Variants in TRMT11 observed in about 807,000 individuals in gnomAD.
TRMT11 encodes the protein tRNA (guanine(10)-N(2))-methyltransferase TRMT11.
Under a neutral mutation model 62.8 loss-of-function variants are expected in TRMT11, and 53 were observed. The ratio of observed to expected loss-of-function variants is 0.84; its 90% CI spans 0.68 to 1.06. TRMT11 has a LOEUF of 1.06. TRMT11 is among the 50% of genes least tolerant of loss of function. The pLI, the probability that TRMT11 is intolerant of heterozygous loss-of-function variation, is 0.00. For synonymous variants in TRMT11, 188 were observed against 190.3 expected, an observed-to-expected ratio of 0.99 and a Z score of 0.10; for missense variants, 556 against 553.4, an observed-to-expected ratio of 1.00 and a Z score of -0.05.
intron 17 of TRMT11, among the ~76,000 whole-genome samples, chr6:126,097,059 T>G (rs1777348634): frequency 6.6e-6 from 1 of 152,214 alleles, no homozygotes; most frequent in African/African-American, 2.4e-5. Context: ...TTGCAGACTT[T>G]TCTTCTTTCA....
At chr6:126,043,284 A>C (rs1294697918), downstream of TRMT11, among the ~76,000 whole-genome samples, 1 of 141,726 alleles carries the variant, frequency 7.1e-6, no homozygotes, top group Non-Finnish European at 1.5e-5. Context: ...ATTCCCACCT[A>C]TGAGTGAGAA....
intron 7 of TRMT11, among the ~76,000 whole-genome samples, chr6:126,000,798 T>G (rs1364989843): frequency 6.6e-6 from 1 of 152,172 alleles, no homozygotes; most frequent in African/African-American, 2.4e-5. Flanking sequence ...TGCCAGTTTC[T>G]CCATATCACC....
intron 17 of TRMT11, among the ~76,000 whole-genome samples, chr6:126,088,528 T>A (rs1777239399): frequency 6.6e-6 from 1 of 152,242 alleles, no homozygotes; most frequent in South Asian, 2.1e-4. Context: ...AGTGAGTCAA[T>A]CAGTAGCATT....
intron 21 of TRMT11, among the ~76,000 whole-genome samples, chr6:126,161,108 T>C (rs1445218049): frequency 6.6e-6 from 1 of 152,126 alleles, no homozygotes; most frequent in African/African-American, 2.4e-5. Context: ...TACTTTAAGT[T>C]CTGGGATACA....
intron 12 of TRMT11, among the ~76,000 whole-genome samples, chr6:126,036,676 T>C (rs1172179719): frequency 2.6e-5 from 4 of 152,108 alleles, no homozygotes; most frequent in Non-Finnish European, 4.4e-5. Flanking sequence ...AAGAAAAACA[T>C]TCTGCCAGGA....
rs564662636 is a variant in TRMT11, at chr6:126,053,901, G to C, written c.*1437+711G>C. Among the ~76,000 whole-genome samples, 19 of 152,292 alleles carry C rather than the reference G, an allele frequency of 1.2e-4. No individual in the cohort carries two copies. The East Asian group carries it at 1.9e-3, about 15-fold the overall frequency. On this transcript the variant is annotated intron_variant and NMD_transcript_variant, in intron 17 of 22. Coordinates refer to the TRMT11 transcript ENST00000648977. ...AGTGGAAGTTGCGTGATCATGTCAG[G>C]GGGTGAGGGCGGGAAGGGGGATTCC...
In TRMT11 at chr6:126,139,176, A is replaced by G. The variant is rs1217372478; in HGVS notation, c.*1823+23321A>G. ...AAGTAGCTGAAACTATTTTTTGCATATTTTAAATTTTATTAAATTTAAATA... is the reference window on the plus strand; with the variant it reads ...AAGTAGCTGAAACTATTTTTTGCATGTTTTAAATTTTATTAAATTTAAATA... On this transcript the variant is annotated intron_variant and NMD_transcript_variant, in intron 21 of 22. Transcript: ENST00000648977. Among the ~76,000 whole-genome samples the G allele has an allele frequency of 6.0e-4, 91 of 151,952 alleles. 1 individual carries two copies. The highest frequency in any genetic ancestry group is 6.0e-3 in the Admixed American group (91 of 15,240).
At chr6:126,187,532 A>G (rs1205215923) in intron 1 of TRMT11, among the ~76,000 whole-genome samples, 1 of 152,010 alleles carries the variant, frequency 6.6e-6, no homozygotes, top group Non-Finnish European at 1.5e-5. Flanking sequence ...GACCAAACTG[A>G]TCTATATGTT....
At chr6:126,193,488 G>GTTTTTTTTTGT (rs1778627491) in intron 1 of TRMT11, among the ~76,000 whole-genome samples, 5 of 118,140 alleles carry the variant, frequency 4.2e-5, no homozygotes, top group African/African-American at 1.9e-4. Context: ...GAGCGTTTCT[G>GTTTTTTTTTGT]TATTTTTTTT....
the TRMT11 span, among the ~76,000 whole-genome samples, chr6:126,253,373 T>G: frequency 6.6e-6 from 1 of 152,252 alleles, no homozygotes; most frequent in Non-Finnish European, 1.5e-5. Context: ...GCAGTTAATC[T>G]TTCTTATTTC....
chr6:126,150,583 G>A (rs1008463615), intron 21 of TRMT11, among the ~76,000 whole-genome samples: 1 of 152,184 alleles, frequency 6.6e-6, no homozygotes, highest in Non-Finnish European at 1.5e-5. Context: ...GAATACGAGG[G>A]CATAGTGGTT....
the TRMT11 span, among the ~76,000 whole-genome samples, chr6:126,271,614 G>T: frequency 2.3e-4 from 35 of 152,098 alleles, no homozygotes; most frequent in Admixed American, 8.5e-4. Flanking sequence ...ATTTACATCT[G>T]TCTAAAAGAA....
intron 21 of TRMT11, among the ~76,000 whole-genome samples, chr6:126,129,896 C>G (rs1189652357): frequency 6.6e-6 from 1 of 152,078 alleles, no homozygotes; most frequent in Non-Finnish European, 1.5e-5. Flanking sequence ...TCTTTGGCTT[C>G]TGGCTCACTG....
At chr6:126,088,447 A>C (rs1033768006) in intron 17 of TRMT11, among the ~76,000 whole-genome samples, 3 of 152,344 alleles carry the variant, frequency 2.0e-5, no homozygotes, top group Admixed American at 6.5e-5. Context: ...AGGTGTAAGG[A>C]GTTTTAAAAG....
At chr6:125,999,426 T>C in intron 6 of TRMT11, 31 bp from the exon 7 acceptor site, 1 of 1,554,752 alleles carries the variant, frequency 6.4e-7, no homozygotes, top group Non-Finnish European at 8.7e-7. Flanking sequence ...TCTGTATGGC[T>C]ATACTAACAT....
Position 126,012,767 on chromosome 6 carries a change from C to G in TRMT11, c.926-4C>G. 1 of 1,612,094 alleles carries G rather than the reference C, an allele frequency of 6.2e-7. No homozygotes were observed. Among genetic ancestry groups the G allele is most frequent in the Non-Finnish European group, 8.5e-7 (1 of 1,178,542 alleles). ...TATCTGTGTTACCTTTGTTTTCTGT[C>G]TAGCTCCATATGGTATCAGAGAATC... On this transcript the variant is annotated splice_region_variant and splice_polypyrimidine_tract_variant and intron_variant, in intron 9 of 12. Transcript: ENST00000334379.
chr6:126,137,468 G>GA (rs1026747330), intron 21 of TRMT11, among the ~76,000 whole-genome samples: 2 of 151,502 alleles, frequency 1.3e-5, no homozygotes, highest in Admixed American at 6.6e-5. Context: ...TATCAAAAAA[G>GA]AAAAAATAAC....
rs1361215464 is a variant in TRMT11 at position 126,093,614 on chromosome 6, TATATATA to T, written c.*1438-19251_*1438-19245del. On this transcript the variant is annotated intron_variant and NMD_transcript_variant, in intron 17 of 22. Transcript: ENST00000648977. The stretch of plus-strand genomic sequence containing the variant: ...ATATATATATATATATATATATATA[TATATATA>T]TATATATATATTTTCCCCCAGTCCT... Among the ~76,000 whole-genome samples the T allele has an allele frequency of 5.1e-3, 476 of 93,284 alleles. 45 individuals carry two copies. Among genetic ancestry groups the T allele is most frequent in the African/African-American group, 0.031 (459 of 14,800 alleles). The allele number at this position is 93,284 out of a possible 152,430, so 61.2% of individuals were successfully genotyped here.
At chr6:126,065,811 C>T (rs553320276) in intron 17 of TRMT11, among the ~76,000 whole-genome samples, 4 of 152,204 alleles carry the variant, frequency 2.6e-5, no homozygotes, top group East Asian at 3.9e-4. Context: ...GTCCTTCAGA[C>T]GAGATTGGGA....
Sources: allele counts gnomAD v4.1 joint callset (sites outside exome capture counted in the v4.1 genomes callset), GRCh38; gene constraint gnomAD v4.1.1; transcripts MANE v1.5; gene names NCBI Gene and HGNC (gene_info 2026-07-23, HGNC 2026-07-21).